FAM135B: variants seen among roughly 807,000 people sequenced by gnomAD.
FAM135B encodes family with sequence similarity 135 member B.
FAM135B carries 43 observed loss-of-function variants against 127.7 expected under a neutral mutation model. The ratio of observed to expected loss-of-function variants is 0.34; its 90% confidence interval spans 0.26 to 0.43. The LOEUF (loss-of-function observed/expected upper bound fraction) is 0.43. FAM135B is among the 20% of genes least tolerant of loss of function. The pLI, the probability that FAM135B is intolerant of heterozygous loss-of-function variation, is 1.00. For missense variants in FAM135B, 1,558 were observed against 1,725.6 expected, an observed-to-expected ratio of 0.90 and a Z score of 1.72; for synonymous variants, 670 against 665.1, an observed-to-expected ratio of 1.01 and a Z score of -0.11.
At chr8:138,299,066 A>AATAAATACATAT (rs781736875) in intron 3 of FAM135B, among the ~76,000 whole-genome samples, 1 of 134,226 alleles carries the variant, frequency 7.5e-6, no homozygotes, top group Admixed American at 7.5e-5. Context: ...TCTCAAAATA[A>AATAAATACATAT]ATAAATAAAT....
chr8:138,167,133 G>C (rs1820007027), intron 12 of FAM135B, among the ~76,000 whole-genome samples: 1 of 151,980 alleles, frequency 6.6e-6, no homozygotes, highest in Non-Finnish European at 1.5e-5. Flanking sequence ...AGCAGACAGG[G>C]GGATAATGTG....
chr8:138,285,791 A>C (rs1824638575), intron 3 of FAM135B, among the ~76,000 whole-genome samples: 1 of 152,230 alleles, frequency 6.6e-6, no homozygotes, highest in Non-Finnish European at 1.5e-5. Context: ...AAAGCCATCA[A>C]TACTGCAGAA....
intron 1 of FAM135B, among the ~76,000 whole-genome samples, chr8:138,426,134 G>GTA (rs555848688): frequency 0.23 from 25,852 of 111,860 alleles, 3,483 homozygotes; most frequent in African/African-American, 0.38. Context: ...GTGTGTGTGT[G>GTA]TGTGTATATA....
At chr8:138,284,226 C>A in intron 3 of FAM135B, among the ~76,000 whole-genome samples, 1 of 152,234 alleles carries the variant, frequency 6.6e-6, no homozygotes, top group East Asian at 1.9e-4. Flanking sequence ...CTCTCACTTT[C>A]CATGTGTAAT....
At chr8:138,401,451 G>T (rs1022494885) in intron 1 of FAM135B, among the ~76,000 whole-genome samples, 1 of 152,154 alleles carries the variant, frequency 6.6e-6, no homozygotes, top group Non-Finnish European at 1.5e-5. Context: ...TGGAAACCCT[G>T]AGCAGGCACA....
At chr8:138,348,235 A>G (rs1217189706) in intron 2 of FAM135B, among the ~76,000 whole-genome samples, 1 of 142,002 alleles carries the variant, frequency 7.0e-6, no homozygotes, top group Non-Finnish European at 1.5e-5. Flanking sequence ...CCCAGGTTCA[A>G]GCAATTTTCC....
chr8:138,194,030 C>T (rs1188513976), intron 9 of FAM135B, among the ~76,000 whole-genome samples: 1 of 152,204 alleles, frequency 6.6e-6, no homozygotes, highest in African/African-American at 2.4e-5. Context: ...CGCTCATCCA[C>T]ACACCGTCAA....
chr8:138,325,572 A>G (rs1248891517), intron 2 of FAM135B, among the ~76,000 whole-genome samples: 5 of 152,140 alleles, frequency 3.3e-5, no homozygotes, highest in Admixed American at 2.0e-4. Flanking sequence ...AAATATATAT[A>G]TATTGCTCAA....
chr8:138,400,402 CT>C (rs2131361797), intron 1 of FAM135B, among the ~76,000 whole-genome samples: 1 of 152,296 alleles, frequency 6.6e-6, no homozygotes, highest in Admixed American at 6.5e-5. Flanking sequence ...GGACCAGAGA[CT>C]GGGTGATAGA....
chr8:138,468,317 A>C (rs1488949301), intron 1 of FAM135B, among the ~76,000 whole-genome samples: 3 of 152,190 alleles, frequency 2.0e-5, no homozygotes, highest in African/African-American at 7.2e-5. Flanking sequence ...CAGGAGATCA[A>C]ATGAGAGGAA....
chr8:138,293,941 G>A (rs1825301836), intron 3 of FAM135B, among the ~76,000 whole-genome samples: 1 of 152,100 alleles, frequency 6.6e-6, no homozygotes, highest in African/African-American at 2.4e-5. Context: ...AAATGCACCT[G>A]CATGTGTATG....
intron 2 of FAM135B, among the ~76,000 whole-genome samples, chr8:138,363,591 T>C (rs2680744): frequency 0.51 from 77,787 of 151,952 alleles, 21,789 homozygotes; most frequent in Non-Finnish European, 0.65. Context: ...TGTCAGTCCA[T>C]ATAGACTTTG....
chr8:138,319,279 G>T (rs1012126627), intron 2 of FAM135B, among the ~76,000 whole-genome samples: 35 of 152,190 alleles, frequency 2.3e-4, no homozygotes, highest in Admixed American at 1.0e-3. Context: ...GCTAATTTTT[G>T]TATTTTTAGT....
chr8:138,418,332 G>A (rs111690095), intron 1 of FAM135B, among the ~76,000 whole-genome samples: 79 of 152,198 alleles, frequency 5.2e-4, no homozygotes, highest in African/African-American at 1.7e-3. Flanking sequence ...CATTGGCATC[G>A]CAGAAAGAGA....
intron 6 of FAM135B, among the ~76,000 whole-genome samples, chr8:138,247,476 T>C (rs1199287280): frequency 5.9e-5 from 9 of 152,226 alleles, no homozygotes; most frequent in Non-Finnish European, 1.3e-4. Context: ...TCTTTGATGC[T>C]GGCATGTGAA....
chr8:138,139,847 C>T (rs947110030), intron 17 of FAM135B, among the ~76,000 whole-genome samples: 4 of 152,170 alleles, frequency 2.6e-5, no homozygotes, highest in African/African-American at 2.4e-5. Flanking sequence ...GTAAGGATTA[C>T]ATAACCACAA....
At chr8:138,373,293 T>C (rs966494068) in intron 1 of FAM135B, among the ~76,000 whole-genome samples, 4 of 152,056 alleles carry the variant, frequency 2.6e-5, no homozygotes, top group Non-Finnish European at 2.9e-5. Flanking sequence ...ATTAATACTT[T>C]TATAATTTCT....
intron 1 of FAM135B, among the ~76,000 whole-genome samples, chr8:138,397,917 A>C (rs2131352076): frequency 6.6e-6 from 1 of 152,282 alleles, no homozygotes; most frequent in Non-Finnish European, 1.5e-5. Context: ...CTGACCAGCC[A>C]GGTGGAGATT....
intron 3 of FAM135B, among the ~76,000 whole-genome samples, chr8:138,280,747 C>G (rs1002309008): frequency 8.5e-5 from 13 of 152,162 alleles, no homozygotes; most frequent in Admixed American, 2.6e-4. Context: ...AGGTTTGGAT[C>G]GATAGGAGTT....
Sources: allele counts gnomAD v4.1 joint callset (sites outside exome capture counted in the v4.1 genomes callset), GRCh38; gene constraint gnomAD v4.1.1; transcripts MANE v1.5; gene names NCBI Gene and HGNC (gene_info 2026-07-23, HGNC 2026-07-21).